The following GRIK1 variants were observed in gnomAD, a reference collection of about 807,000 sequenced individuals.
The protein encoded by GRIK1 is glutamate receptor ionotropic, kainate 1.
Under a neutral mutation model 105.7 loss-of-function variants are expected in GRIK1, and 69 were observed. The ratio of observed to expected loss-of-function variants is 0.65; its 90% CI spans 0.54 to 0.80. GRIK1 has a LOEUF of 0.80. Ranked by LOEUF, GRIK1 falls within the 30% of genes least tolerant of loss-of-function variation. The pLI, the probability that GRIK1 is intolerant of heterozygous loss-of-function variation, is 0.00. For missense variants in GRIK1, 1,109 were observed against 1,167.3 expected (o/e 0.95, Z 0.73); for synonymous variants, 438 against 431.3 (o/e 1.02, Z -0.19).
chr21:29,856,156 T>C lies in GRIK1; in HGVS notation c.118+83227A>G, dbSNP rs115493713. On this transcript the variant is annotated intron_variant, in intron 1 of 17. Transcript: ENST00000327783. ...GCCCAGTGGTGGGTGTTTAGTATCA[T>C]GGGGCTGGGAGAGTCATTCAGAGAG... Among the ~76,000 whole-genome samples, 1,088 of 152,216 alleles carry C rather than the reference T, an allele frequency of 7.1e-3. 13 individuals are homozygous for C. The highest frequency in any genetic ancestry group is 0.024 in the African/African-American group (993 of 41,524).
intron 7 of GRIK1, among the ~76,000 whole-genome samples, chr21:29,602,840 T>C (rs2146336562): frequency 6.6e-6 from 1 of 152,282 alleles, no homozygotes; most frequent in Non-Finnish European, 1.5e-5. Flanking sequence ...GTTTTAAACA[T>C]GTGTTGCCAT....
At chr21:29,877,177 C>G (rs1010249452) in intron 1 of GRIK1, among the ~76,000 whole-genome samples, 2 of 152,044 alleles carry the variant, frequency 1.3e-5, no homozygotes, top group African/African-American at 4.8e-5. Context: ...CCTCTAGGGC[C>G]TGCAGTAATA....
rs528347746 is a variant in GRIK1 at position 29,585,203 on chromosome 21, A to C, written c.1793+2163T>G. On this transcript the variant is annotated intron_variant, in intron 12 of 17. Coordinates refer to ENST00000327783, the MANE Select transcript of GRIK1 (RefSeq NM_001330994.2). ...TGAGTAGAACTACTGAATGGATTGC[A>C]TTGATGGTGGTAGTGGGGGTACTGT... 2.6e-5 allele frequency among the ~76,000 whole-genome samples: 4 copies of C among 152,256 alleles called. No homozygotes were observed. In the East Asian group the frequency reaches 7.7e-4, roughly 29 times the overall value.
At chr21:29,691,479 G>A (rs902513014) in intron 2 of GRIK1, among the ~76,000 whole-genome samples, 1 of 152,150 alleles carries the variant, frequency 6.6e-6, no homozygotes, top group Non-Finnish European at 1.5e-5. Flanking sequence ...TAATTAAGGG[G>A]TATAGATAGT....
chr21:29,750,471 A>C (rs767555923), intron 1 of GRIK1, among the ~76,000 whole-genome samples: 185 of 152,262 alleles, frequency 1.2e-3, no homozygotes, highest in Non-Finnish European at 2.2e-3. Context: ...TTTTACCTGG[A>C]ACTACAAAGA....
chr21:29,582,441 T>TA (rs1448543868), intron 12 of GRIK1: 2 of 342,614 alleles, frequency 5.8e-6, no homozygotes, highest in African/African-American at 4.4e-5. Flanking sequence ...AAACAACTAG[T>TA]ATAGTAGTGT....
intron 1 of GRIK1, among the ~76,000 whole-genome samples, chr21:29,844,433 T>A (rs2146016897): frequency 6.6e-6 from 1 of 152,288 alleles, no homozygotes; most frequent in East Asian, 1.9e-4. Flanking sequence ...GTCTTATACT[T>A]CTCTTCTTCA....
chr21:29,716,057 G>A (rs1047719144), intron 1 of GRIK1, among the ~76,000 whole-genome samples: 8 of 151,882 alleles, frequency 5.3e-5, no homozygotes, highest in African/African-American at 1.9e-4. Flanking sequence ...GAGATCTGAT[G>A]GTTTTATAAG....
chr21:29,762,690 C>T (rs377330480), intron 1 of GRIK1, among the ~76,000 whole-genome samples: 1 of 149,794 alleles, frequency 6.7e-6, no homozygotes, highest in Admixed American at 6.6e-5. Context: ...AGCTGTAGCA[C>T]CAGGAGGACA....
intron 14 of GRIK1, among the ~76,000 whole-genome samples, chr21:29,566,893 C>T (rs146982016): frequency 3.9e-5 from 6 of 152,006 alleles, no homozygotes; most frequent in Non-Finnish European, 7.4e-5. Flanking sequence ...TGAACTATCT[C>T]TTAATACACA....
At chr21:29,728,172 C>G (rs2064518620) in intron 1 of GRIK1, among the ~76,000 whole-genome samples, 1 of 152,160 alleles carries the variant, frequency 6.6e-6, no homozygotes, top group African/African-American at 2.4e-5. Context: ...TAAAATTAAC[C>G]ATTGTATAAA....
intron 1 of GRIK1, among the ~76,000 whole-genome samples, chr21:29,764,819 TA>T (rs1206345252): frequency 1.3e-5 from 2 of 152,146 alleles, no homozygotes; most frequent in Non-Finnish European, 2.9e-5. Context: ...ATGCAAAAAT[TA>T]AATATATTAT....
At chr21:29,638,451 T>C (rs1396819647) in intron 7 of GRIK1, among the ~76,000 whole-genome samples, 2 of 152,136 alleles carry the variant, frequency 1.3e-5, no homozygotes, top group Non-Finnish European at 2.9e-5. Flanking sequence ...AGGATATGAA[T>C]TCGAGATGAG....
At position 29,554,851 on chromosome 21, in the gene GRIK1, C is replaced by T. The variant is rs530275989; in HGVS notation, c.2607+201G>A. Among the ~76,000 whole-genome samples, 9 of 152,294 alleles carry T rather than the reference C, an allele frequency of 5.9e-5. No individual in the cohort carries two copies. The East Asian group carries it at 1.5e-3, about 26-fold the overall frequency. ...ATTGGATTTAGTGTATAAGCCCCTT[C>T]CTTGTCGTTAATAAATGATGGACCT... On this transcript the variant is annotated intron_variant, in intron 16 of 17. Coordinates refer to ENST00000327783, the MANE Select transcript of GRIK1 (RefSeq NM_001330994.2).
intron 1 of GRIK1, among the ~76,000 whole-genome samples, chr21:29,905,982 C>T (rs948629156): frequency 2.0e-5 from 3 of 151,536 alleles, no homozygotes; most frequent in Admixed American, 2.0e-4. Flanking sequence ...CTGTTATTGC[C>T]CGGTGGAGTG....
At position 29,848,089 on chromosome 21, in the gene GRIK1, A is replaced by G. The variant is rs1363937494; in HGVS notation, c.118+91294T>C. Among the ~76,000 whole-genome samples, 3 of 152,186 alleles carry G rather than the reference A, an allele frequency of 2.0e-5. No homozygotes were observed. The East Asian group carries it at 5.8e-4, about 29-fold the overall frequency. Reference sequence around the variant, plus strand: ...TTATTAAAAGTTTTTTTCTAACTTGATCGTCTCAGCCAATTCAAGTCCAAT... The same window carrying G: ...TTATTAAAAGTTTTTTTCTAACTTGGTCGTCTCAGCCAATTCAAGTCCAAT... On this transcript the variant is annotated intron_variant, in intron 1 of 17. Coordinates refer to ENST00000327783, the MANE Select transcript of GRIK1 (RefSeq NM_001330994.2).
At chr21:29,723,961 C>A (rs2064387601) in intron 1 of GRIK1, among the ~76,000 whole-genome samples, 1 of 152,146 alleles carries the variant, frequency 6.6e-6, no homozygotes, top group Non-Finnish European at 1.5e-5. Flanking sequence ...TAGGTCTTAT[C>A]CTGCACTTTC....
At chr21:29,921,069 G>T (rs1162987403) in intron 1 of GRIK1, among the ~76,000 whole-genome samples, 1 of 152,060 alleles carries the variant, frequency 6.6e-6, no homozygotes, top group East Asian at 1.9e-4. Context: ...GTTCCCTGTT[G>T]TGGAGGCTAC....
At chr21:29,678,820 A>C (rs2063321375) in intron 3 of GRIK1, among the ~76,000 whole-genome samples, 1 of 152,154 alleles carries the variant, frequency 6.6e-6, no homozygotes, top group Non-Finnish European at 1.5e-5. Context: ...GAAAAGAGTC[A>C]CTTATTTGGC....
Sources: gnomAD v4.1 joint callset for allele counts (sites outside exome capture counted in the v4.1 genomes callset) on GRCh38, gnomAD v4.1.1 for gene constraint, MANE v1.5 for transcripts, NCBI Gene and HGNC (gene_info 2026-07-23, HGNC 2026-07-21) for gene names.